The following RIF1 variants were observed in gnomAD, a reference collection of about 807,000 sequenced individuals.
RIF1 encodes telomere-associated protein RIF1.
A neutral mutation model predicts 247.1 loss-of-function variants in RIF1; 45 were observed. The ratio of observed to expected loss-of-function variants is 0.18; its 90% CI spans 0.14 to 0.23. The LOEUF (loss-of-function observed/expected upper bound fraction) is 0.23, where lower values mean the gene tolerates loss of function less well. Among genes scored for constraint, RIF1 ranks in the 10% least tolerant of loss-of-function variants. The probability of loss-of-function intolerance (pLI) is 1.00; values close to 1 mark genes in which losing one functional copy is unlikely to be tolerated. For synonymous variants in RIF1, 1,087 were observed against 978.8 expected (o/e 1.11, Z -2.06); for missense variants, 2,967 against 2,862.5 (o/e 1.04, Z -0.83).
chr2:151,505,551 A>C, intron 12 of RIF1: 1 of 1,613,612 alleles, frequency 6.2e-7, no homozygotes, highest in East Asian at 2.2e-5. Flanking sequence ...TCCTTGTCCT[A>C]TTGCTTCCTT....
At chr2:151,440,461 A>G (rs1032072379) in intron 15 of RIF1, among the ~76,000 whole-genome samples, 5 of 152,190 alleles carry the variant, frequency 3.3e-5, no homozygotes, top group African/African-American at 1.2e-4. Flanking sequence ...AAAACTACTA[A>G]TAGTTGGTAC....
chr2:151,465,196 G>A lies in RIF1; in HGVS notation c.5676G>A (p.Leu1892=). The A allele has an allele frequency of 3.1e-6, 5 of 1,612,326 alleles. No homozygotes were observed. The highest frequency in any genetic ancestry group is 4.2e-6 in the Non-Finnish European group (5 of 1,179,620). Residue 1892 remains leucine, a synonymous_variant, in exon 30 of 36, where the codon CTG becomes CTA. Transcript: ENST00000444746. ...CAGAAGAAACCCCAAAAATGGAACT[G>A]AGTCTAGAGAATGTTACTGTTGAAG... ...EKPEETPKME[L]SLENVTVEGN...
rs757335715 is a variant in RIF1 at position 151,481,629 on chromosome 2, G to C, written c.*6558G>C. ...TTTGTATTTGATAAGTCTTAAAAATGATTTAAGTTGAAGCCTAACAGAAGT... is the reference window on the plus strand; with the variant it reads ...TTTGTATTTGATAAGTCTTAAAAATCATTTAAGTTGAAGCCTAACAGAAGT... On this transcript the variant is annotated 3_prime_UTR_variant, in exon 36 of 36. Transcript: ENST00000444746. 1 of 152,198 alleles carries C rather than the reference G, an allele frequency of 6.6e-6. No homozygotes were observed. Among genetic ancestry groups the C allele is most frequent in the Non-Finnish European group, 1.5e-5 (1 of 68,034 alleles). 9.4% of individuals were successfully genotyped at this position (152,198 alleles called of 1,614,324 possible).
chr2:151,413,749 G>A (rs7593710), intron 3 of RIF1, among the ~76,000 whole-genome samples: 35,118 of 152,018 alleles, frequency 0.23, 4,744 homozygotes, highest in Admixed American at 0.36. Context: ...GCTTCGTTTT[G>A]TAAATATAGA....
chr2:151,466,578 C>T (rs914318527), intron 30 of RIF1, among the ~76,000 whole-genome samples: 8 of 151,952 alleles, frequency 5.3e-5, no homozygotes, highest in Non-Finnish European at 1.2e-4. Context: ...CCTTCATCAA[C>T]TTGTAGATGT....
At chr2:151,484,278 ATAAAG>A (rs140304415), downstream of RIF1, among the ~76,000 whole-genome samples, 3,724 of 152,340 alleles carry the variant, frequency 0.024, 53 homozygotes, top group African/African-American at 0.039. Context: ...TGGCAAACCG[ATAAAG>A]TAAATAGGAA....
At chr2:151,423,064 A>G in intron 8 of RIF1, 22 bp downstream of exon 8, 1 of 1,288,742 alleles carries the variant, frequency 7.8e-7, no homozygotes, top group Non-Finnish European at 1.1e-6. Flanking sequence ...GTTAATGAAC[A>G]GTCAACAGTT....
chr2:151,492,347 T>C, intron 9 of RIF1: 1 of 1,590,148 alleles, frequency 6.3e-7, no homozygotes, highest in Non-Finnish European at 8.6e-7. Context: ...TTACACATTC[T>C]GACAGGCAGC....
intron 9 of RIF1, chr2:151,493,782 A>G (rs768467393): frequency 6.4e-7 from 1 of 1,572,140 alleles, no homozygotes; most frequent in African/African-American, 1.3e-5. Flanking sequence ...TACCGAGCTA[A>G]AGTTTTCTTG....
chr2:151,516,191 A>G, the RIF1 span, among the ~76,000 whole-genome samples: 2 of 152,196 alleles, frequency 1.3e-5, no homozygotes, highest in South Asian at 2.1e-4. Flanking sequence ...ATTCAGTATA[A>G]TTTGTGTTGG....
At chr2:151,505,913 T>C (rs2068506128) in intron 12 of RIF1, 3 of 562,414 alleles carry the variant, frequency 5.3e-6, no homozygotes, top group Admixed American at 6.1e-5. Flanking sequence ...AGGTTGGTTC[T>C]TTGACTGTAC....
In RIF1 at chr2:151,503,378, C is replaced by T. The variant is rs770529578; in HGVS notation, c.*861+193C>T. 11 of 1,612,282 alleles carry T rather than the reference C, an allele frequency of 6.8e-6. No individual in the cohort carries two copies. In the South Asian group the frequency reaches 1.1e-4, roughly 16 times the overall value. ...CTAAAGTTCTCTTGATTGCGTTTGA[C>T]TCTCTCAATCTCTGGAGTCACAGTG... On this transcript the variant is annotated intron_variant and NMD_transcript_variant, in intron 12 of 13. Transcript: ENST00000454583.
the RIF1 span, chr2:151,513,778 A>AAC: frequency 1.1e-6 from 1 of 904,590 alleles, no homozygotes; most frequent in South Asian, 1.5e-5. Flanking sequence ...AAATCCACAT[A>AAC]ACACGCCACC....
intron 6 of RIF1, among the ~76,000 whole-genome samples, chr2:151,418,030 T>TTA (rs566532454): frequency 1.3e-5 from 2 of 151,178 alleles, no homozygotes; most frequent in South Asian, 4.2e-4. Context: ...TATCTCACAC[T>TTA]TACCACGAAT....
intron 26 of RIF1, 36 bp downstream of exon 26, chr2:151,460,155 T>TA: frequency 2.1e-6 from 3 of 1,430,254 alleles, no homozygotes; most frequent in Non-Finnish European, 2.9e-6. Context: ...AATTTTAAGA[T>TA]AAAGTATATT....
rs891932148 is a variant in RIF1 at position 151,499,456 on chromosome 2, G to T, written c.*625G>T. 7 of 830,364 alleles carry T rather than the reference G, an allele frequency of 8.4e-6. No homozygotes were observed. In the East Asian group the frequency reaches 1.6e-4, roughly 19 times the overall value. 51.4% of individuals were successfully genotyped at this position (830,364 alleles called of 1,614,324 possible). On this transcript the variant is annotated 3_prime_UTR_variant and NMD_transcript_variant, in exon 11 of 14. Coordinates refer to the RIF1 transcript ENST00000454583. Reference sequence around the variant, plus strand: ...TCAAAACAGCCCTTTCATCTACCTTGTGGGGAACCTGGTATAAAACTACAG... The same window carrying T: ...TCAAAACAGCCCTTTCATCTACCTTTTGGGGAACCTGGTATAAAACTACAG...
the RIF1 span, among the ~76,000 whole-genome samples, chr2:151,514,127 A>G: frequency 6.6e-6 from 1 of 152,260 alleles, no homozygotes; most frequent in Non-Finnish European, 1.5e-5. Flanking sequence ...ACACACTGTT[A>G]CAATATCCAT....
intron 9 of RIF1, chr2:151,493,750 GATTT>G: frequency 1.4e-6 from 2 of 1,474,448 alleles, no homozygotes; most frequent in Non-Finnish European, 1.9e-6. Flanking sequence ...AGATTTTAAG[GATTT>G]ATTTTTCCTT....
chr2:151,523,756 C>T, the RIF1 span, among the ~76,000 whole-genome samples: 1 of 152,228 alleles, frequency 6.6e-6, no homozygotes, highest in African/African-American at 2.4e-5. Context: ...CATTCTCCAT[C>T]AGCACCCTGT....
Sources: allele counts gnomAD v4.1 joint callset (sites outside exome capture counted in the v4.1 genomes callset), GRCh38; gene constraint gnomAD v4.1.1; transcripts MANE v1.5; gene names NCBI Gene and HGNC (gene_info 2026-07-23, HGNC 2026-07-21).